The following G3BP1 variants were observed in gnomAD, a reference collection of about 807,000 sequenced individuals.
G3BP1 encodes the protein G3BP stress granule assembly factor 1.
G3BP1 carries 35 observed loss-of-function variants against 58.6 expected under a neutral mutation model. That is an observed-to-expected ratio of 0.60 (90% CI 0.46 to 0.79). G3BP1 has a LOEUF of 0.79. Among genes scored for constraint, G3BP1 ranks in the 30% least tolerant of loss-of-function variants. G3BP1 has a pLI of 0.00. For synonymous variants in G3BP1, 191 were observed against 195.4 expected, an observed-to-expected ratio of 0.98 and a Z score of 0.19; for missense variants, 523 against 580.8, an observed-to-expected ratio of 0.90 and a Z score of 1.02.
intron 1 of G3BP1, among the ~76,000 whole-genome samples, chr5:151,780,516 C>G (rs967330454): frequency 1.3e-5 from 2 of 152,072 alleles, no homozygotes; most frequent in African/African-American, 4.8e-5. Flanking sequence ...GTTATTTCCC[C>G]CTCCGCCGCT....
intron 5 of G3BP1, among the ~76,000 whole-genome samples, 183 bp from the exon 6 acceptor site, chr5:151,795,296 A>C (rs761407301): frequency 6.6e-6 from 1 of 152,192 alleles, no homozygotes; most frequent in Non-Finnish European, 1.5e-5. Flanking sequence ...AAAAACAAAA[A>C]AAAGTCTGTT....
At chr5:151,795,998 C>T (rs1255881819) in intron 6 of G3BP1, among the ~76,000 whole-genome samples, 1 of 152,184 alleles carries the variant, frequency 6.6e-6, no homozygotes, top group African/African-American at 2.4e-5. Context: ...AATTTCATTA[C>T]GTTAGTAAGT....
At position 151,790,379 on chromosome 5, in the gene G3BP1, C is replaced by T; in HGVS notation, c.152C>T (p.Pro51Leu). 6.3e-7 allele frequency: 1 copy of T among 1,582,738 alleles called. No homozygotes were observed. The highest frequency in any genetic ancestry group is 8.6e-7 in the Non-Finnish European group (1 of 1,163,682). ...GGGGGATTGGATTCAAATGGAAAGC[C>T]AGCAGATGCAGTCTACGGACAGAAA... is the stretch of plus-strand genomic sequence containing the variant. ...VHGGLDSNGK[P>L]ADAVYGQKEI... The change falls in exon 3 of 12, where the codon CCA (proline) becomes CTA (leucine). Residue 51 changes from proline (P) to leucine (L), a missense_variant. Physicochemically the swap from Pro to Leu is moderately conservative, Grantham distance 98 (BLOSUM62 -3). Coordinates refer to ENST00000356245, the MANE Select transcript of G3BP1 (RefSeq NM_005754.3).
At position 151,790,416 on chromosome 5, in the gene G3BP1, A is replaced by C; in HGVS notation, c.177+12A>C. 4 of 1,507,112 alleles carry C rather than the reference A, an allele frequency of 2.7e-6. No homozygotes were observed. Among genetic ancestry groups the C allele is most frequent in the Non-Finnish European group, 3.6e-6 (4 of 1,104,060 alleles). 93.4% of individuals were successfully genotyped at this position (1,507,112 alleles called of 1,614,324 possible). On this transcript the variant is annotated intron_variant, in intron 3 of 11. Coordinates refer to ENST00000356245, the MANE Select transcript of G3BP1 (RefSeq NM_005754.3). ...TCTACGGACAGAAAGTAAGCATTTC[A>C]AGCCTTATTTAGGCTGTTAAGCAGG...
intron 2 of G3BP1, among the ~76,000 whole-genome samples, chr5:151,789,620 C>G (rs544334152): frequency 3.9e-5 from 6 of 152,218 alleles, no homozygotes; most frequent in Non-Finnish European, 7.3e-5. Context: ...ACCGCTCACG[C>G]TTATTCTCAG....
chr5:151,800,966 C>T lies in G3BP1; in HGVS notation c.1194+97C>T, dbSNP rs942499612. Reference sequence around the variant, plus strand: ...TACAGCTGGGTCTTTATGTAAAGTGCAGTTTATTCCAACATGTTCAGGTAA... The same window carrying T: ...TACAGCTGGGTCTTTATGTAAAGTGTAGTTTATTCCAACATGTTCAGGTAA... On this transcript the variant is annotated intron_variant, in intron 11 of 11. Transcript: ENST00000356245. 82 of 618,648 alleles carry T rather than the reference C, an allele frequency of 1.3e-4. 1 individual carries two copies. In the South Asian group the frequency reaches 1.5e-3, roughly 12 times the overall value. 38.3% of individuals were successfully genotyped at this position (618,648 alleles called of 1,614,324 possible).
At chr5:151,798,997 C>T (rs767916165) in intron 7 of G3BP1, among the ~76,000 whole-genome samples, 2 of 152,032 alleles carry the variant, frequency 1.3e-5, no homozygotes, top group African/African-American at 4.8e-5. Flanking sequence ...ACCTAAGCCT[C>T]TCGGATTTGC....
intron 1 of G3BP1, among the ~76,000 whole-genome samples, chr5:151,781,465 A>G (rs2113221275): frequency 6.6e-6 from 1 of 152,366 alleles, no homozygotes; most frequent in East Asian, 1.9e-4. Context: ...ATTTGGATGC[A>G]GTAAAAAGTG....
chr5:151,796,980 G>T (rs1418049853), intron 6 of G3BP1, among the ~76,000 whole-genome samples: 1 of 139,716 alleles, frequency 7.2e-6, no homozygotes, highest in African/African-American at 2.7e-5. Flanking sequence ...AAAGTGGTTT[G>T]GTTCATTTTG....
Position 151,811,655 on chromosome 5 carries a change from A to G in G3BP1, c.*7564A>G, listed in dbSNP as rs926764186. 2 of 152,162 alleles carry G rather than the reference A, an allele frequency of 1.3e-5. No homozygotes were observed. The highest frequency in any genetic ancestry group is 4.8e-5 in the African/African-American group (2 of 41,446). 9.4% of individuals were successfully genotyped at this position (152,162 alleles called of 1,614,324 possible). ...TTTTTTTTTTACAAGCCAAAAAATAACTGCCATAACTTTTGTGACTTCATG... is the reference window on the plus strand; with the variant it reads ...TTTTTTTTTTACAAGCCAAAAAATAGCTGCCATAACTTTTGTGACTTCATG... On this transcript the variant is annotated 3_prime_UTR_variant, in exon 12 of 12. Transcript: ENST00000356245.
chr5:151,793,936 C>T (rs1400085176), intron 4 of G3BP1, among the ~76,000 whole-genome samples: 2 of 151,848 alleles, frequency 1.3e-5, no homozygotes, highest in Admixed American at 1.3e-4. Flanking sequence ...ATTGCTTGAG[C>T]CTGGAATGTC....
At chr5:151,802,760 C>T (rs1438485176) in intron 11 of G3BP1, among the ~76,000 whole-genome samples, 1 of 152,096 alleles carries the variant, frequency 6.6e-6, no homozygotes, top group Non-Finnish European at 1.5e-5. Context: ...GGTGAAACCC[C>T]GTCTCTACTA....
chr5:151,798,391 G>A (rs1052075984), intron 7 of G3BP1, among the ~76,000 whole-genome samples: 1 of 152,118 alleles, frequency 6.6e-6, no homozygotes, highest in Non-Finnish European at 1.5e-5. Flanking sequence ...TAGGTTGGCT[G>A]GACCAGCTGA....
chr5:151,772,232 C>G (rs1762278748), intron 1 of G3BP1, 196 bp downstream of exon 1: 1 of 150,668 alleles, frequency 6.6e-6, no homozygotes, highest in Admixed American at 6.6e-5. Context: ...CGCTCCCGTC[C>G]CGGCTGGGGC....
rs1382855344 is a variant in G3BP1, at chr5:151,799,348, T to G, written c.843+35T>G. 3.9e-6 allele frequency: 4 copies of G among 1,018,590 alleles called. No homozygotes were observed. In the South Asian group the frequency reaches 5.1e-5, roughly 13 times the overall value. The allele number at this position is 1,018,590 out of a possible 1,614,324, so 63.1% of individuals were successfully genotyped here. Reference sequence around the variant, plus strand: ...TAATAAAACTTGTACATTAGGCAAATTTACTTCTATTGTGGTAATTTGATT... The same window carrying G: ...TAATAAAACTTGTACATTAGGCAAAGTTACTTCTATTGTGGTAATTTGATT... On this transcript the variant is annotated intron_variant, in intron 8 of 11. Coordinates refer to ENST00000356245, the MANE Select transcript of G3BP1 (RefSeq NM_005754.3).
intron 6 of G3BP1, among the ~76,000 whole-genome samples, chr5:151,796,259 C>G (rs761591749): frequency 3.3e-5 from 5 of 152,118 alleles, no homozygotes. Flanking sequence ...GGCAAAACAT[C>G]TGCAGTTTTG....
chr5:151,795,220 G>C (rs1461409113), intron 5 of G3BP1, among the ~76,000 whole-genome samples: 1 of 152,184 alleles, frequency 6.6e-6, no homozygotes, highest in Non-Finnish European at 1.5e-5. Flanking sequence ...GGCTTTCAAT[G>C]AGCCGAGATC....
chr5:151,781,756 T>C (rs1214893204), intron 1 of G3BP1, among the ~76,000 whole-genome samples: 1 of 152,226 alleles, frequency 6.6e-6, no homozygotes, highest in Non-Finnish European at 1.5e-5. Flanking sequence ...GATTTTCTTA[T>C]TTTCTTTAGC....
chr5:151,773,331 AC>A (rs1762310432), intron 1 of G3BP1, among the ~76,000 whole-genome samples: 1 of 118,860 alleles, frequency 8.4e-6, no homozygotes, highest in Non-Finnish European at 1.8e-5. Context: ...GTTACAGTAT[AC>A]TATTTGGACC....
Sources: gnomAD v4.1 joint callset for allele counts (sites outside exome capture counted in the v4.1 genomes callset) on GRCh38, gnomAD v4.1.1 for gene constraint, MANE v1.5 for transcripts, NCBI Gene and HGNC (gene_info 2026-07-23, HGNC 2026-07-21) for gene names.